Variants in EYS observed in about 807,000 individuals in gnomAD.
EYS encodes protein eyes shut homolog.
A neutral mutation model predicts 282.1 loss-of-function variants in EYS; 250 were observed. The observed-to-expected ratio is 0.89, with a 90% CI of 0.80 to 0.98. EYS has a LOEUF of 0.98. Among genes scored for constraint, EYS ranks in the 50% least tolerant of loss-of-function variants. EYS has a pLI of 0.00. For missense variants in EYS, 4,016 were observed against 3,709.0 expected (o/e 1.08, Z -2.15); for synonymous variants, 1,355 against 1,282.9 (o/e 1.06, Z -1.20).
At chr6:63,915,732 T>C (rs1329138505) in intron 35 of EYS, among the ~76,000 whole-genome samples, 3 of 152,144 alleles carry the variant, frequency 2.0e-5, no homozygotes, top group Non-Finnish European at 4.4e-5. Context: ...CCAGTACTCA[T>C]GGATGACTTT....
intron 32 of EYS, among the ~76,000 whole-genome samples, chr6:64,074,402 T>C (rs1771694448): frequency 6.6e-6 from 1 of 151,340 alleles, no homozygotes; most frequent in African/African-American, 2.4e-5. Context: ...TAGTCACCTA[T>C]TTTACAATTT....
At chr6:64,587,444 T>G (rs1210523383) in intron 26 of EYS, among the ~76,000 whole-genome samples, 2 of 152,012 alleles carry the variant, frequency 1.3e-5, no homozygotes. Flanking sequence ...CTTTCAAGAT[T>G]TTTGCATTGT....
intron 11 of EYS, among the ~76,000 whole-genome samples, chr6:65,326,538 C>T (rs1476119696): frequency 6.6e-6 from 1 of 151,240 alleles, no homozygotes; most frequent in Non-Finnish European, 1.5e-5. Flanking sequence ...TTCTCATACT[C>T]CTATAGTTTT....
chr6:65,263,346 T>C (rs1767667353), intron 12 of EYS, among the ~76,000 whole-genome samples: 2 of 151,876 alleles, frequency 1.3e-5, no homozygotes, highest in Non-Finnish European at 2.9e-5. Context: ...TTCTCAAAAA[T>C]AAACAGACAA....
At chr6:64,714,516 C>CTTTTTTTTT (rs55730437) in intron 22 of EYS, among the ~76,000 whole-genome samples, 2 of 127,914 alleles carry the variant, frequency 1.6e-5, no homozygotes, top group African/African-American at 5.9e-5. Flanking sequence ...TTCTTTCTTT[C>CTTTTTTTTT]TTTTTTTTTT....
chr6:64,764,328 C>A (rs1773256001), intron 22 of EYS, among the ~76,000 whole-genome samples: 1 of 152,234 alleles, frequency 6.6e-6, no homozygotes, highest in Admixed American at 6.5e-5. Context: ...TGTGCATCTG[C>A]AGGCCCAACA....
At chr6:65,116,173 T>C (rs540776747) in intron 12 of EYS, among the ~76,000 whole-genome samples, 146 of 152,262 alleles carry the variant, frequency 9.6e-4, no homozygotes, top group Non-Finnish European at 1.9e-3. Context: ...GAAAAACTTA[T>C]GAGTTGTTTA....
intron 5 of EYS, among the ~76,000 whole-genome samples, chr6:65,449,545 G>A (rs1255698023): frequency 6.6e-6 from 1 of 151,984 alleles, no homozygotes; most frequent in Admixed American, 6.6e-5. Context: ...TAATTATTAA[G>A]TATTGGAAAT....
intron 2 of EYS, among the ~76,000 whole-genome samples, chr6:65,566,595 A>G (rs1582463998): frequency 6.6e-6 from 1 of 152,132 alleles, no homozygotes; most frequent in Non-Finnish European, 1.5e-5. Flanking sequence ...AGGACTGCAG[A>G]GTCTACCCAG....
intron 11 of EYS, among the ~76,000 whole-genome samples, chr6:65,305,362 G>A (rs533308279): frequency 4.1e-4 from 62 of 152,266 alleles, no homozygotes; most frequent in African/African-American, 1.4e-3. Context: ...AGTTTGAAAT[G>A]GATGAAGACA....
chr6:64,781,223 T>A (rs1235299173), intron 22 of EYS, among the ~76,000 whole-genome samples: 1 of 152,136 alleles, frequency 6.6e-6, no homozygotes, highest in African/African-American at 2.4e-5. Context: ...AGAATAGGTA[T>A]TTCCCAAATA....
At position 63,789,105 on chromosome 6, in the gene EYS, C is replaced by T. The variant is rs1409836866; in HGVS notation, c.7531G>A (p.Val2511Ile). Residue 2511 changes from valine (V) to isoleucine (I), a missense_variant, in exon 38 of 43, where the codon GTC becomes ATC. Transcript: ENST00000503581. ...AACTTGCCCAGATGAACAGTGTGGA[C>T]TCCAAGGCTCAGATTGAGGGGCTCG... ...RSEPLNLSLG[V>I]HTVHLGKFFQ... is the part of the protein sequence containing the mutation. The T allele has an allele frequency of 6.4e-7, 1 of 1,551,652 alleles. No homozygotes were observed. Among genetic ancestry groups the T allele is most frequent in the South Asian group, 1.2e-5 (1 of 84,062 alleles).
intron 12 of EYS, among the ~76,000 whole-genome samples, chr6:65,246,066 T>G (rs1443799224): frequency 6.6e-6 from 1 of 152,106 alleles, no homozygotes; most frequent in Non-Finnish European, 1.5e-5. Flanking sequence ...AAAATAGCAA[T>G]GTGAAAGATA....
intron 2 of EYS, among the ~76,000 whole-genome samples, chr6:65,581,227 G>A (rs944626822): frequency 6.6e-6 from 1 of 151,888 alleles, no homozygotes; most frequent in Non-Finnish European, 1.5e-5. Flanking sequence ...ATTAAATATA[G>A]AGGGGAAAAA....
intron 22 of EYS, among the ~76,000 whole-genome samples, chr6:64,761,575 GCCTC>G (rs1205868238): frequency 1.3e-5 from 2 of 152,162 alleles, no homozygotes; most frequent in Non-Finnish European, 2.9e-5. Flanking sequence ...TCCTGCCTCA[GCCTC>G]CCGAGCAGCT....
chr6:65,619,556 G>A (rs1463748047), intron 2 of EYS, among the ~76,000 whole-genome samples: 2 of 152,058 alleles, frequency 1.3e-5, no homozygotes, highest in East Asian at 3.9e-4. Context: ...TCCTTCCACT[G>A]CCTAATTGCC....
chr6:65,574,803 C>A (rs1327241610), intron 2 of EYS, among the ~76,000 whole-genome samples: 1 of 152,066 alleles, frequency 6.6e-6, no homozygotes, highest in Non-Finnish European at 1.5e-5. Flanking sequence ...TAACCCACAG[C>A]TACAGAAAAC....
At chr6:64,476,930 C>A (rs1776289567) in intron 26 of EYS, among the ~76,000 whole-genome samples, 1 of 152,142 alleles carries the variant, frequency 6.6e-6, no homozygotes, top group Non-Finnish European at 1.5e-5. Flanking sequence ...CATGTTACAT[C>A]TACCTAGTAG....
chr6:64,437,741 T>C (rs536744469), intron 27 of EYS, among the ~76,000 whole-genome samples: 66 of 138,276 alleles, frequency 4.8e-4, no homozygotes, highest in Non-Finnish European at 7.4e-4. Flanking sequence ...GGCTAGCTTT[T>C]TTTTCCTTTT....
Sources: gnomAD v4.1 joint callset for allele counts (sites outside exome capture counted in the v4.1 genomes callset) on GRCh38, gnomAD v4.1.1 for gene constraint, MANE v1.5 for transcripts, NCBI Gene and HGNC (gene_info 2026-07-23, HGNC 2026-07-21) for gene names.